The following CCND1 variants were observed in gnomAD, a reference collection of about 807,000 sequenced individuals.
The protein encoded by CCND1 is cyclin D1, also known as G1/S-specific cyclin-D1.
A neutral mutation model predicts 26.1 loss-of-function variants in CCND1; 9 were observed. That is an observed-to-expected ratio of 0.35 (90% CI 0.21 to 0.60). The LOEUF (loss-of-function observed/expected upper bound fraction) is 0.60. Among genes scored for constraint, CCND1 ranks in the 20% least tolerant of loss-of-function variants. The pLI, the probability that CCND1 is intolerant of heterozygous loss-of-function variation, is 0.79. For missense variants in CCND1, 335 were observed against 392.9 expected, an observed-to-expected ratio of 0.85 and a Z score of 1.25; for synonymous variants, 194 against 166.1, an observed-to-expected ratio of 1.17 and a Z score of -1.29.
At chr11:69,641,840 G>A (rs1341474597) in intron 1 of CCND1, among the ~76,000 whole-genome samples, 1 of 152,040 alleles carries the variant, frequency 6.6e-6, no homozygotes, top group Non-Finnish European at 1.5e-5. Flanking sequence ...TCCCCCGCCT[G>A]CGCCCCAGCC....
intron 1 of CCND1, 142 bp from the exon 2 acceptor site, chr11:69,642,889 G>C: frequency 2.2e-6 from 1 of 450,562 alleles, no homozygotes; most frequent in Non-Finnish European, 3.7e-6. Flanking sequence ...GGCGCATCAC[G>C]GGAAGCTCCT....
intron 1 of CCND1, 102 bp downstream of exon 1, chr11:69,641,613 T>A: frequency 8.5e-7 from 1 of 1,174,016 alleles, no homozygotes; most frequent in Non-Finnish European, 1.2e-6. Flanking sequence ...CCGCTAGAAC[T>A]TTGAAGTTTG....
chr11:69,653,254 T>G lies in CCND1; in HGVS notation c.*1972T>G, dbSNP rs1256360205. ...CATTTTCTTATTGCGCTGCTACCGT[T>G]GACTTCCAGGCACGGTTTGGAAATA... On this transcript the variant is annotated 3_prime_UTR_variant, in exon 5 of 5. Transcript: ENST00000227507. 1 of 702,198 alleles carries G rather than the reference T, an allele frequency of 1.4e-6. No individual in the cohort carries two copies. Among genetic ancestry groups the G allele is most frequent in the Non-Finnish European group, 2.6e-6 (1 of 384,768 alleles). 43.5% of individuals were successfully genotyped at this position (702,198 alleles called of 1,614,324 possible).
chr11:69,654,001 C>A lies in CCND1; in HGVS notation c.*2719C>A. 1.7e-6 allele frequency: 1 copy of A among 597,120 alleles called. No individual in the cohort carries two copies. Among genetic ancestry groups the A allele is most frequent in the Non-Finnish European group, 3.0e-6 (1 of 335,026 alleles). 37.0% of individuals were successfully genotyped at this position (597,120 alleles called of 1,614,324 possible). ...AAGCCAGCTCACAGTGCTGTGTGCC[C>A]CGGTCACCTAGCAAGCTGCCGAACC... On this transcript the variant is annotated 3_prime_UTR_variant, in exon 5 of 5. Transcript: ENST00000227507. The surrounding 1 kb of genome is among the most constrained non-coding windows in gnomAD (Gnocchi z 6.3).
At chr11:69,650,999 T>G in intron 4 of CCND1, 119 bp from the exon 5 acceptor site, 1 of 857,596 alleles carries the variant, frequency 1.2e-6, no homozygotes. Context: ...AGGGACAGTT[T>G]TTGGCTTAGT....
chr11:69,646,105 C>T (rs1855774851), intron 3 of CCND1, among the ~76,000 whole-genome samples: 1 of 152,168 alleles, frequency 6.6e-6, no homozygotes, highest in Non-Finnish European at 1.5e-5. Flanking sequence ...CCCAGTGACT[C>T]CACGCTGTGT....
intron 1 of CCND1, among the ~76,000 whole-genome samples, chr11:69,642,480 A>T (rs1391720024): frequency 1.3e-5 from 2 of 152,142 alleles, no homozygotes; most frequent in African/African-American, 4.8e-5. Context: ...CGGAGCCTGT[A>T]ACGAACTCCC....
Position 69,651,304 on chromosome 11 carries a change from C to T in CCND1, c.*22C>T. 2 of 1,448,788 alleles carry T rather than the reference C, an allele frequency of 1.4e-6. No individual in the cohort carries two copies. Among genetic ancestry groups the T allele is most frequent in the Non-Finnish European group, 1.8e-6 (2 of 1,097,148 alleles). 89.7% of individuals were successfully genotyped at this position (1,448,788 alleles called of 1,614,324 possible). A position where few individuals can be genotyped will look rare whatever the true frequency, so the allele number is the denominator to read the frequency against. ...CTGAGGGCGCCAGGCAGGCGGGCGC[C>T]ACCGCCACCCGCAGCGAGGGCGGAG... On this transcript the variant is annotated 3_prime_UTR_variant, in exon 5 of 5. Transcript: ENST00000227507.
Position 69,653,625 on chromosome 11 carries a change from C to T in CCND1, c.*2343C>T, listed in dbSNP as rs879685183. On this transcript the variant is annotated 3_prime_UTR_variant, in exon 5 of 5. Transcript: ENST00000227507. ...CCCGAGGCCGCGTGCGTGAGAACCGCGCCGGTGTCCCCAGAGACCAGGCTG... is the reference window on the plus strand; with the variant it reads ...CCCGAGGCCGCGTGCGTGAGAACCGTGCCGGTGTCCCCAGAGACCAGGCTG... 84 of 448,746 alleles carry T rather than the reference C, an allele frequency of 1.9e-4. No individual in the cohort carries two copies. The highest frequency in any genetic ancestry group is 2.7e-4 in the Non-Finnish European group (69 of 252,284). The allele number at this position is 448,746 out of a possible 1,614,324, so 27.8% of individuals were successfully genotyped here.
intron 4 of CCND1, among the ~76,000 whole-genome samples, chr11:69,650,764 T>G (rs1190501816): frequency 1.3e-5 from 2 of 151,094 alleles, no homozygotes; most frequent in Non-Finnish European, 3.0e-5. Context: ...CCAGATCAGA[T>G]GGCACTGAAT....
Position 69,653,227 on chromosome 11 carries a change from T to A in CCND1, c.*1945T>A. 1 of 700,346 alleles carries A rather than the reference T, an allele frequency of 1.4e-6. No homozygotes were observed. Among genetic ancestry groups the A allele is most frequent in the Middle Eastern group, 2.3e-4 (1 of 4,362 alleles). The allele number at this position is 700,346 out of a possible 1,614,324, so 43.4% of individuals were successfully genotyped here. The stretch of plus-strand genomic sequence containing the variant: ...GCCCACACCGGGGACAGGCCGCAGC[T>A]CCATTTTCTTATTGCGCTGCTACCG... On this transcript the variant is annotated 3_prime_UTR_variant, in exon 5 of 5. Coordinates refer to ENST00000227507, the MANE Select transcript of CCND1 (RefSeq NM_053056.3).
rs998377292 is a variant in CCND1, at chr11:69,651,563, G to A, written c.*281G>A. 5 of 337,500 alleles carry A rather than the reference G, an allele frequency of 1.5e-5. No individual in the cohort carries two copies. Among genetic ancestry groups the A allele is most frequent in the Non-Finnish European group, 2.7e-5 (5 of 187,814 alleles). The allele number at this position is 337,500 out of a possible 1,614,324, so 20.9% of individuals were successfully genotyped here. A position where few individuals can be genotyped will look rare whatever the true frequency, so the allele number is the denominator to read the frequency against. Reference sequence around the variant, plus strand: ...GGTGGGGGAGGAGGGTTGTGCTACAGATGATAGAGGATTTTATACCCCAAT... The same window carrying A: ...GGTGGGGGAGGAGGGTTGTGCTACAAATGATAGAGGATTTTATACCCCAAT... On this transcript the variant is annotated 3_prime_UTR_variant, in exon 5 of 5. Coordinates refer to ENST00000227507, the MANE Select transcript of CCND1 (RefSeq NM_053056.3).
intron 3 of CCND1, among the ~76,000 whole-genome samples, chr11:69,647,588 G>A (rs1401679393): frequency 6.6e-6 from 1 of 152,220 alleles, no homozygotes; most frequent in East Asian, 1.9e-4. Context: ...GTGAGGGTTA[G>A]GGTCATAGAA....
chr11:69,647,944 T>C (rs750800665), intron 3 of CCND1, 50 bp from the exon 4 acceptor site: 2 of 1,605,600 alleles, frequency 1.2e-6, no homozygotes, highest in Non-Finnish European at 1.7e-6. Context: ...ACGGGGGCCC[T>C]GAGAGGGTCC....
chr11:69,647,542 G>A (rs1744169087), intron 3 of CCND1, among the ~76,000 whole-genome samples: 1 of 152,252 alleles, frequency 6.6e-6, no homozygotes, highest in South Asian at 2.1e-4. Context: ...TGACTTGTCT[G>A]CAATCCCTGC....
In CCND1 at chr11:69,643,900, T is replaced by G. The variant is rs1447014281; in HGVS notation, c.483T>G (p.Ile161Met). Residue 161 changes from isoleucine to methionine, a missense_variant, in exon 3 of 5, where the codon ATT becomes ATG. Ile to Met is a conservative substitution (Grantham distance 10). Coordinates refer to ENST00000227507, the MANE Select transcript of CCND1 (RefSeq NM_053056.3). ...NLAAMTPHDF[I>M]EHFLSKMPEA... ...CCGCAATGACCCCGCACGATTTCAT[T>G]GAACACTTCCTCTCCAAAATGCCAG... The G allele has an allele frequency of 3.1e-6, 5 of 1,613,534 alleles. No individual in the cohort carries two copies. Among genetic ancestry groups the G allele is most frequent in the Non-Finnish European group, 1.7e-6 (2 of 1,180,004 alleles).
chr11:69,652,072 C>T lies in CCND1; in HGVS notation c.*790C>T, dbSNP rs1315607468. On this transcript the variant is annotated 3_prime_UTR_variant, in exon 5 of 5. Transcript: ENST00000227507. ...CGGGCACCAGCCAGCGTAGCAGGGT[C>T]GGGAAAGGCCACCTGTCCCACTCCT... 4 of 233,168 alleles carry T rather than the reference C, an allele frequency of 1.7e-5. No individual in the cohort carries two copies. The highest frequency in any genetic ancestry group is 3.4e-5 in the Non-Finnish European group (4 of 118,024). The allele number at this position is 233,168 out of a possible 1,614,324, so 14.4% of individuals were successfully genotyped here.
chr11:69,644,956 C>T lies in CCND1; in HGVS notation c.574+965C>T, dbSNP rs150702033. Among the ~76,000 whole-genome samples, 437 of 152,346 alleles carry T rather than the reference C, an allele frequency of 2.9e-3. 1 individual carries two copies. Among genetic ancestry groups the T allele is most frequent in the Middle Eastern group, 0.017 (5 of 294 alleles). ...CATCAAAGAGGCAGTAGCATCTTCT[C>T]CCCTCCCCAGAGGGCAGAGCCCCCC... On this transcript the variant is annotated intron_variant, in intron 3 of 4. Transcript: ENST00000227507.
At chr11:69,643,592 A>G (rs1417380488) in intron 2 of CCND1, 10 of 477,818 alleles carry the variant, frequency 2.1e-5, no homozygotes, top group South Asian at 4.0e-5. Flanking sequence ...TTCCACTTGC[A>G]GAGTCTTTTC....
Sources: allele counts gnomAD v4.1 joint callset (sites outside exome capture counted in the v4.1 genomes callset), GRCh38; gene constraint gnomAD v4.1.1; non-coding constraint Gnocchi (gnomAD v3.1); transcripts MANE v1.5; gene names NCBI Gene and HGNC (gene_info 2026-07-23, HGNC 2026-07-21).